ELAVL2: variants seen among roughly 807,000 people sequenced by gnomAD.
The protein encoded by ELAVL2 is ELAV like RNA binding protein 2.
A neutral mutation model predicts 34.6 loss-of-function variants in ELAVL2; 4 were observed. That is an observed-to-expected ratio of 0.12 (90% CI 0.06 to 0.26). ELAVL2 has a LOEUF of 0.26. Ranked by LOEUF, ELAVL2 falls within the 10% of genes least tolerant of loss-of-function variation. The probability of loss-of-function intolerance (pLI) is 1.00; values close to 1 mark genes in which losing one functional copy is unlikely to be tolerated. For missense variants in ELAVL2, 432 were observed against 442.8 expected (o/e 0.98, Z 0.22); for synonymous variants, 193 against 154.8 (o/e 1.25, Z -1.83).
intron 1 of ELAVL2, among the ~76,000 whole-genome samples, chr9:23,811,110 T>A (rs1002403140): frequency 1.3e-5 from 2 of 152,070 alleles, no homozygotes; most frequent in Non-Finnish European, 2.9e-5. Flanking sequence ...CCTGTCTAGG[T>A]CACAAACTAT....
chr9:23,743,989 C>T (rs916818723), intron 2 of ELAVL2, among the ~76,000 whole-genome samples: 26 of 152,166 alleles, frequency 1.7e-4, no homozygotes, highest in African/African-American at 6.3e-4. Context: ...TACATGCCCA[C>T]TTGGCAAACA....
chr9:23,713,523 T>C (rs561231147), intron 3 of ELAVL2, among the ~76,000 whole-genome samples: 1 of 152,270 alleles, frequency 6.6e-6, no homozygotes, highest in African/African-American at 2.4e-5. Flanking sequence ...AAAAAATAGA[T>C]GGGAGTTTTA....
At chr9:23,772,490 T>C (rs1419997269) in intron 1 of ELAVL2, among the ~76,000 whole-genome samples, 1 of 103,152 alleles carries the variant, frequency 9.7e-6, no homozygotes, top group Non-Finnish European at 1.9e-5. Flanking sequence ...GACTTAGAGA[T>C]AGAAAACCAA....
intron 1 of ELAVL2, among the ~76,000 whole-genome samples, chr9:23,808,919 A>G (rs1438075462): frequency 6.6e-6 from 1 of 152,150 alleles, no homozygotes; most frequent in African/African-American, 2.4e-5. Flanking sequence ...GGAGCTACAA[A>G]GCATTTTACC....
chr9:23,793,477 T>C (rs1191584783), intron 1 of ELAVL2, among the ~76,000 whole-genome samples: 2 of 152,164 alleles, frequency 1.3e-5, no homozygotes, highest in Non-Finnish European at 2.9e-5. Context: ...AATCAGTTCT[T>C]CTCTCAAACC....
intron 1 of ELAVL2, among the ~76,000 whole-genome samples, chr9:23,773,092 C>T (rs1040744551): frequency 1.3e-5 from 2 of 152,100 alleles, no homozygotes; most frequent in African/African-American, 4.8e-5. Flanking sequence ...GGAGAATTTA[C>T]ATTCAATGCA....
At chr9:23,764,644 A>T (rs1032791885) in intron 1 of ELAVL2, among the ~76,000 whole-genome samples, 1 of 152,170 alleles carries the variant, frequency 6.6e-6, no homozygotes, top group Non-Finnish European at 1.5e-5. Context: ...AATAACTTCA[A>T]AATTTAGTAA....
chr9:23,815,157 G>C (rs6475757), intron 1 of ELAVL2, among the ~76,000 whole-genome samples: 26,446 of 151,868 alleles, frequency 0.17, 2,652 homozygotes, highest in Admixed American at 0.26. Flanking sequence ...AGAAAACGCG[G>C]ACTATTTTAA....
At chr9:23,761,933 A>AGTAATT (rs2055109855) in intron 2 of ELAVL2, 73 bp downstream of exon 2, 1 of 1,472,704 alleles carries the variant, frequency 6.8e-7, no homozygotes, top group Admixed American at 2.3e-5. Flanking sequence ...ATTTACAAGC[A>AGTAATT]GTAATCTTAT....
chr9:23,779,230 G>A (rs2058700778), intron 1 of ELAVL2: 8 of 985,382 alleles, frequency 8.1e-6, no homozygotes, highest in Non-Finnish European at 8.4e-6. Flanking sequence ...TAAATAAGAG[G>A]TCTTACTTCA....
intron 2 of ELAVL2, among the ~76,000 whole-genome samples, chr9:23,752,784 C>A (rs563434431): frequency 1.3e-5 from 2 of 152,226 alleles, no homozygotes; most frequent in African/African-American, 4.8e-5. Context: ...AGCTTAAATA[C>A]TTCTGTCTTG....
At chr9:23,707,072 T>C (rs1172854065) in intron 3 of ELAVL2, among the ~76,000 whole-genome samples, 2 of 152,244 alleles carry the variant, frequency 1.3e-5, no homozygotes, top group Non-Finnish European at 2.9e-5. Flanking sequence ...GGAATAGTGG[T>C]GGAGAAAACA....
At chr9:23,718,969 G>A (rs1231175742) in intron 3 of ELAVL2, among the ~76,000 whole-genome samples, 1 of 152,176 alleles carries the variant, frequency 6.6e-6, no homozygotes, top group Non-Finnish European at 1.5e-5. Flanking sequence ...AACCCTTTGT[G>A]TGACAGTTGT....
intron 3 of ELAVL2, among the ~76,000 whole-genome samples, chr9:23,712,898 TAA>T (rs1256319692): frequency 6.6e-6 from 1 of 152,132 alleles, no homozygotes; most frequent in Non-Finnish European, 1.5e-5. Context: ...CACAGAAAAA[TAA>T]AAAGTGTTTT....
At chr9:23,725,115 A>T (rs2044746806) in intron 3 of ELAVL2, among the ~76,000 whole-genome samples, 1 of 152,172 alleles carries the variant, frequency 6.6e-6, no homozygotes, top group African/African-American at 2.4e-5. Context: ...AAATGCTGAG[A>T]AAGATGTGGC....
At position 23,784,526 on chromosome 9, in the gene ELAVL2, A is replaced by G. The variant is rs542301571; in HGVS notation, c.-15-22277T>C. On this transcript the variant is annotated intron_variant, in intron 1 of 6. Coordinates refer to ENST00000397312, the MANE Select transcript of ELAVL2 (RefSeq NM_004432.5). ...GTTGGGGGCAGTGGGACTGGTGAATAAGACATAATTTGTACCCTGAGGAAT... is the reference window on the plus strand; with the variant it reads ...GTTGGGGGCAGTGGGACTGGTGAATGAGACATAATTTGTACCCTGAGGAAT... 5.9e-5 allele frequency among the ~76,000 whole-genome samples: 9 copies of G among 152,310 alleles called. No homozygotes were observed. In the South Asian group the frequency reaches 1.9e-3, roughly 32 times the overall value.
intron 1 of ELAVL2, among the ~76,000 whole-genome samples, chr9:23,798,052 G>A (rs2061167255): frequency 6.6e-6 from 1 of 152,216 alleles, no homozygotes; most frequent in African/African-American, 2.4e-5. Flanking sequence ...AAAGAAGGGA[G>A]AACTCTGAAT....
intron 3 of ELAVL2, among the ~76,000 whole-genome samples, chr9:23,706,557 C>T (rs1370005598): frequency 6.6e-6 from 1 of 152,078 alleles, no homozygotes; most frequent in East Asian, 1.9e-4. Flanking sequence ...GATCGCATTC[C>T]CTTTGGTTTA....
intron 1 of ELAVL2, among the ~76,000 whole-genome samples, chr9:23,798,178 T>C (rs1009056375): frequency 6.6e-6 from 1 of 152,214 alleles, no homozygotes; most frequent in Non-Finnish European, 1.5e-5. Context: ...CTAACTCAAA[T>C]GTGCCTAAAT....
Sources: allele counts gnomAD v4.1 joint callset (sites outside exome capture counted in the v4.1 genomes callset), GRCh38; gene constraint gnomAD v4.1.1; transcripts MANE v1.5; gene names NCBI Gene and HGNC (gene_info 2026-07-23, HGNC 2026-07-21).